The following TXNL4A variants were observed in gnomAD, a reference collection of about 807,000 sequenced individuals.
The protein encoded by TXNL4A is thioredoxin like 4A.
Under a neutral mutation model 14.6 loss-of-function variants are expected in TXNL4A, and 17 were observed. The ratio of observed to expected loss-of-function variants is 1.16; its 90% confidence interval spans 0.80 to 1.74. The LOEUF is 1.74. Among genes scored for constraint, TXNL4A ranks in the 40% most tolerant of loss-of-function variants. TXNL4A has a pLI of 0.00. For missense variants in TXNL4A, 74 were observed against 195.2 expected, an observed-to-expected ratio of 0.38 and a Z score of 3.70; for synonymous variants, 83 against 70.6, an observed-to-expected ratio of 1.18 and a Z score of -0.88.
In TXNL4A at chr18:79,973,632, G is replaced by A. The variant is rs1428806219; in HGVS notation, c.*53C>T. On this transcript the variant is annotated 3_prime_UTR_variant, in exon 3 of 3. Transcript: ENST00000269601. ...CCAAAGGCTTTAAATAGCTTAAAAC[G>A]TTTCCATACAAAAAGGGCTCCACGA... The A allele has an allele frequency of 1.5e-5, 23 of 1,557,830 alleles. No homozygotes were observed. The highest frequency in any genetic ancestry group is 9.0e-5 in the East Asian group (4 of 44,302).
chr18:80,027,762 C>T (rs1265809893), intron 1 of TXNL4A, among the ~76,000 whole-genome samples: 2 of 152,136 alleles, frequency 1.3e-5, no homozygotes, highest in Non-Finnish European at 2.9e-5. Flanking sequence ...CACAAAGTGT[C>T]CAAAGACAAA....
chr18:80,024,316 G>A (rs1270442685), intron 1 of TXNL4A, among the ~76,000 whole-genome samples: 1 of 152,170 alleles, frequency 6.6e-6, no homozygotes, highest in Non-Finnish European at 1.5e-5. Flanking sequence ...TAAGAAACTG[G>A]TTTGGAATTC....
At chr18:80,030,772 G>C (rs2051915848) in intron 1 of TXNL4A, among the ~76,000 whole-genome samples, 1 of 152,116 alleles carries the variant, frequency 6.6e-6, no homozygotes, top group African/African-American at 2.4e-5. Context: ...TTCAGACCAG[G>C]CCTGGTCAAC....
chr18:80,002,682 T>G (rs747569413), intron 1 of TXNL4A, among the ~76,000 whole-genome samples: 1 of 152,154 alleles, frequency 6.6e-6, no homozygotes, highest in African/African-American at 2.4e-5. Flanking sequence ...TTCTAGGAAA[T>G]CTCCGCCTTT....
intron 2 of TXNL4A, chr18:79,976,629 G>C: frequency 3.1e-6 from 1 of 319,970 alleles, no homozygotes; most frequent in South Asian, 2.4e-5. Flanking sequence ...AGAAAAGCGG[G>C]GTGATTTAAG....
intron 1 of TXNL4A, among the ~76,000 whole-genome samples, chr18:80,026,151 T>C (rs1038525272): frequency 2.6e-5 from 4 of 152,196 alleles, no homozygotes; most frequent in African/African-American, 9.7e-5. Context: ...TGCCACATGA[T>C]AAACTGGGCC....
chr18:80,014,033 C>T (rs973183325), intron 1 of TXNL4A, among the ~76,000 whole-genome samples: 1 of 152,162 alleles, frequency 6.6e-6, no homozygotes, highest in Non-Finnish European at 1.5e-5. Context: ...ATTCACTATC[C>T]TGAGACTAGC....
intron 1 of TXNL4A, among the ~76,000 whole-genome samples, chr18:79,985,138 G>C (rs183818180): frequency 2.0e-3 from 304 of 152,224 alleles, no homozygotes; most frequent in African/African-American, 7.1e-3. Flanking sequence ...CTACAAAATG[G>C]AAAGACAGCT....
intron 1 of TXNL4A, among the ~76,000 whole-genome samples, chr18:79,984,047 G>C (rs544710798): frequency 1.3e-5 from 2 of 151,064 alleles, no homozygotes; most frequent in African/African-American, 4.9e-5. Flanking sequence ...CCTCAACCAC[G>C]GCTCAACATC....
At chr18:80,005,329 G>C (rs570900726) in intron 1 of TXNL4A, among the ~76,000 whole-genome samples, 1 of 152,320 alleles carries the variant, frequency 6.6e-6, no homozygotes, top group East Asian at 1.9e-4. Flanking sequence ...TCCCCTGGGG[G>C]GAGAAAAATT....
intron 1 of TXNL4A, among the ~76,000 whole-genome samples, chr18:80,013,080 A>T (rs1185441534): frequency 6.6e-6 from 1 of 151,764 alleles, no homozygotes; most frequent in African/African-American, 2.4e-5. Flanking sequence ...AAGAAAAAAT[A>T]AGAGAGAGAG....
At chr18:79,976,563 T>C (rs1342935949) in intron 2 of TXNL4A, among the ~76,000 whole-genome samples, 1 of 152,154 alleles carries the variant, frequency 6.6e-6, no homozygotes, top group Non-Finnish European at 1.5e-5. Context: ...TGTGAGACCC[T>C]GAGCAGGAAT....
chr18:80,033,288 C>T (rs1281910513), intron 1 of TXNL4A, among the ~76,000 whole-genome samples: 6 of 75,586 alleles, frequency 7.9e-5, no homozygotes, highest in African/African-American at 1.9e-4. Flanking sequence ...CACATCCACA[C>T]GCGCCCACAC....
chr18:79,992,463 C>T (rs2051634277), upstream of TXNL4A, among the ~76,000 whole-genome samples: 2 of 152,092 alleles, frequency 1.3e-5, no homozygotes, highest in Admixed American at 6.6e-5. Context: ...ACCCCCAGGC[C>T]CAGGGCCTTC....
chr18:79,977,764 G>A (rs2051400581), intron 1 of TXNL4A, 63 bp from the exon 2 acceptor site: 7 of 1,111,232 alleles, frequency 6.3e-6, no homozygotes, highest in Non-Finnish European at 9.3e-6. Context: ...TTTTATAGAA[G>A]CACATTTATA....
rs1378407825 is a variant in TXNL4A, at chr18:79,983,883, G to A, written c.153+4357C>T. Among the ~76,000 whole-genome samples, 4 of 152,140 alleles carry A rather than the reference G, an allele frequency of 2.6e-5. No individual in the cohort carries two copies. In the East Asian group the frequency reaches 5.8e-4, roughly 22 times the overall value. On this transcript the variant is annotated intron_variant, in intron 1 of 2. Transcript: ENST00000269601. ...TAAGATGACCCACGGGGCCAAGTTC[G>A]TAACGCTCATGCAGTTATGAAGTGC...
intron 1 of TXNL4A, among the ~76,000 whole-genome samples, chr18:79,999,771 T>C (rs533767586): frequency 6.6e-6 from 1 of 152,218 alleles, no homozygotes; most frequent in Non-Finnish European, 1.5e-5. Context: ...TTACCTTACA[T>C]TGTAGCTCCC....
intron 1 of TXNL4A, among the ~76,000 whole-genome samples, chr18:80,002,607 T>A (rs899779571): frequency 1.5e-4 from 23 of 152,190 alleles, no homozygotes; most frequent in Admixed American, 9.2e-4. Context: ...ATTTTTAAAA[T>A]GAGGCTGGGT....
Position 79,988,443 on chromosome 18 carries a change from A to G in TXNL4A, c.-51T>C. 1 of 1,358,386 alleles carries G rather than the reference A, an allele frequency of 7.4e-7. No homozygotes were observed. Among genetic ancestry groups the G allele is most frequent in the Non-Finnish European group, 9.6e-7 (1 of 1,040,390 alleles). The allele number at this position is 1,358,386 out of a possible 1,614,324, so 84.1% of individuals were successfully genotyped here. On this transcript the variant is annotated 5_prime_UTR_variant, in exon 1 of 3. Coordinates refer to ENST00000269601, the MANE Select transcript of TXNL4A (RefSeq NM_006701.5). ...CAAGGCGGGGCGCCAGGGAGGGCCC[A>G]GCGAGGTGGGCTCAGCCGGCCCCTC... is the stretch of plus-strand genomic sequence containing the variant.
Sources: gnomAD v4.1 joint callset for allele counts (sites outside exome capture counted in the v4.1 genomes callset) on GRCh38, gnomAD v4.1.1 for gene constraint, MANE v1.5 for transcripts, NCBI Gene and HGNC (gene_info 2026-07-23, HGNC 2026-07-21) for gene names.